Variants in RBMS2 observed in about 807,000 individuals in gnomAD.
RBMS2 encodes the protein RNA-binding motif, single-stranded-interacting protein 2.
In RBMS2, 38 loss-of-function variants were observed where a neutral mutation model predicts 58.4. The observed-to-expected ratio is 0.65, with a 90% CI of 0.50 to 0.85. The LOEUF is 0.85. Among genes scored for constraint, RBMS2 ranks in the 40% least tolerant of loss-of-function variants. RBMS2 has a pLI of 0.00. For missense variants in RBMS2, 367 were observed against 503.7 expected, an observed-to-expected ratio of 0.73 and a Z score of 2.60; for synonymous variants, 151 against 180.7, an observed-to-expected ratio of 0.84 and a Z score of 1.32.
intron 1 of RBMS2, among the ~76,000 whole-genome samples, chr12:56,553,960 G>A (rs2136362293): frequency 6.6e-6 from 1 of 151,734 alleles, no homozygotes; most frequent in African/African-American, 2.4e-5. Context: ...GAGTAGCTGG[G>A]ACTATAGGCG....
At chr12:56,523,046 G>A (rs568171886) in intron 1 of RBMS2, among the ~76,000 whole-genome samples, 1 of 152,298 alleles carries the variant, frequency 6.6e-6, no homozygotes, top group East Asian at 1.9e-4. Flanking sequence ...GCTTTCTCAT[G>A]TACCTAATGA....
At chr12:56,567,516 A>C (rs1418502854) in intron 2 of RBMS2, among the ~76,000 whole-genome samples, 1 of 151,962 alleles carries the variant, frequency 6.6e-6, no homozygotes, top group African/African-American at 2.4e-5. Context: ...TTATCACCAA[A>C]ATTTAGATGG....
intron 1 of RBMS2, among the ~76,000 whole-genome samples, chr12:56,547,775 A>G (rs1342424848): frequency 6.6e-6 from 1 of 151,450 alleles, no homozygotes; most frequent in East Asian, 2.0e-4. Context: ...CAGCCTCCCA[A>G]GTAGCTGGGA....
At chr12:56,584,132 T>C (rs957881211) in intron 9 of RBMS2, among the ~76,000 whole-genome samples, 2 of 152,118 alleles carry the variant, frequency 1.3e-5, no homozygotes, top group African/African-American at 2.4e-5. Context: ...GTTTTTGCCA[T>C]ATAAAAGTTT....
intron 1 of RBMS2, among the ~76,000 whole-genome samples, chr12:56,533,231 G>A (rs1874095268): frequency 6.6e-6 from 1 of 151,764 alleles, no homozygotes; most frequent in African/African-American, 2.4e-5. Context: ...TTCCCAAGTA[G>A]GTAGGACTAT....
At chr12:56,539,821 C>T (rs1026411501) in intron 1 of RBMS2, 3 of 303,594 alleles carry the variant, frequency 9.9e-6, no homozygotes, top group African/African-American at 4.6e-5. Flanking sequence ...GTTCTAAGCC[C>T]TTTATAAAAT....
chr12:56,532,197 C>G (rs1398818136), intron 1 of RBMS2, among the ~76,000 whole-genome samples: 2 of 151,450 alleles, frequency 1.3e-5, no homozygotes, highest in African/African-American at 4.9e-5. Flanking sequence ...CCAGCCTGGG[C>G]TACAAGAATG....
intron 1 of RBMS2, among the ~76,000 whole-genome samples, chr12:56,534,246 C>T (rs1321613584): frequency 1.3e-5 from 2 of 152,124 alleles, no homozygotes; most frequent in Admixed American, 6.6e-5. Context: ...TTTATCCATT[C>T]TCCTACCAAG....
chr12:56,588,745 T>G (rs1339108940), intron 12 of RBMS2, 187 bp from the exon 13 acceptor site: 1 of 639,146 alleles, frequency 1.6e-6, no homozygotes, highest in Non-Finnish European at 2.8e-6. Flanking sequence ...CTAATGCGTC[T>G]TGGGAAGAGG....
In RBMS2 at chr12:56,581,516, G is replaced by A. The variant is rs769125047; in HGVS notation, c.732+8G>A. 1.9e-6 allele frequency: 3 copies of A among 1,606,296 alleles called. No homozygotes were observed. Among genetic ancestry groups the A allele is most frequent in the Non-Finnish European group, 2.6e-6 (3 of 1,173,090 alleles). ...CCAAGGAATGCAGACATGGTAAGAG[G>A]ACCTCTGAGGAGACAGGAGTACTAA... On this transcript the variant is annotated splice_region_variant and intron_variant, in intron 7 of 13. Transcript: ENST00000262031.
At chr12:56,521,101 G>A (rs1377090333), upstream of RBMS2, among the ~76,000 whole-genome samples, 1 of 152,102 alleles carries the variant, frequency 6.6e-6, no homozygotes, top group Non-Finnish European at 1.5e-5. Context: ...CTGCTCTTTG[G>A]TGTGTTCCTC....
intron 1 of RBMS2, among the ~76,000 whole-genome samples, chr12:56,557,357 C>A (rs1282126409): frequency 6.6e-6 from 1 of 152,134 alleles, no homozygotes; most frequent in African/African-American, 2.4e-5. Context: ...CCCTTGTATT[C>A]TCTTACCCTT....
In RBMS2 at chr12:56,541,115, A is replaced by AAAC. The variant is rs71081377; in HGVS notation, c.66+19026_66+19027insAAC. Among the ~76,000 whole-genome samples the AAAC allele has an allele frequency of 2.0e-4, 30 of 150,054 alleles. No homozygotes were observed. In the East Asian group the frequency reaches 4.1e-3, roughly 20 times the overall value. ...GACCTTGACTCAAAAAAAAAAAAAA[A>AAAC]CCCCAAAACCGCTAAGTCTCTGCGA... On this transcript the variant is annotated intron_variant, in intron 1 of 13. Coordinates refer to ENST00000262031, the MANE Select transcript of RBMS2 (RefSeq NM_002898.4).
rs1461193747 is a variant in RBMS2, at chr12:56,593,184, A to T, written c.*4051A>T. ...GAGACAGGGTCTCACTCTGTGGCCC[A>T]GGCTGGAGTGCAGTGGCACCATAAT... On this transcript the variant is annotated 3_prime_UTR_variant, in exon 14 of 14. Coordinates refer to ENST00000262031, the MANE Select transcript of RBMS2 (RefSeq NM_002898.4). The T allele has an allele frequency of 1.3e-5, 2 of 152,416 alleles. No individual in the cohort carries two copies. Among genetic ancestry groups the T allele is most frequent in the Non-Finnish European group, 2.9e-5 (2 of 68,252 alleles). The allele number at this position is 152,416 out of a possible 1,614,324, so 9.4% of individuals were successfully genotyped here. A position where few individuals can be genotyped will look rare whatever the true frequency, so the allele number is the denominator to read the frequency against.
chr12:56,544,532 C>T (rs1876773663), intron 1 of RBMS2, among the ~76,000 whole-genome samples: 1 of 152,068 alleles, frequency 6.6e-6, no homozygotes, highest in African/African-American at 2.4e-5. Flanking sequence ...CGTCTGGTAA[C>T]CTAACGTCTC....
chr12:56,583,298 T>C (rs1383589616), intron 9 of RBMS2, among the ~76,000 whole-genome samples: 1 of 152,222 alleles, frequency 6.6e-6, no homozygotes, highest in African/African-American at 2.4e-5. Context: ...CTCACATTTC[T>C]ACCAGCCATG....
chr12:56,562,383 A>T, intron 1 of RBMS2, 34 bp from the exon 2 acceptor site: 2 of 1,555,554 alleles, frequency 1.3e-6, no homozygotes. Context: ...GTAAATGGAT[A>T]ATCCTTCTAC....
At chr12:56,575,005 G>A (rs574690034) in intron 5 of RBMS2, among the ~76,000 whole-genome samples, 2 of 151,106 alleles carry the variant, frequency 1.3e-5, no homozygotes, top group Admixed American at 1.3e-4. Context: ...AAAATTAGCC[G>A]GGCGTGGTGG....
At chr12:56,584,727 G>GT (rs1396908654) in intron 9 of RBMS2, among the ~76,000 whole-genome samples, 1 of 151,860 alleles carries the variant, frequency 6.6e-6, no homozygotes, top group Admixed American at 6.6e-5. Context: ...GAAGCTTGCA[G>GT]TAAGCCGAGA....
Sources: allele counts gnomAD v4.1 joint callset (sites outside exome capture counted in the v4.1 genomes callset), GRCh38; gene constraint gnomAD v4.1.1; transcripts MANE v1.5; gene names NCBI Gene and HGNC (gene_info 2026-07-23, HGNC 2026-07-21).